Variants in KIAA1328 observed in about 807,000 individuals in gnomAD.
The protein encoded by KIAA1328 is protein hinderin.
KIAA1328 carries 52 observed loss-of-function variants against 68.1 expected under a neutral mutation model. The ratio of observed to expected loss-of-function variants is 0.76; its 90% CI spans 0.61 to 0.96. The LOEUF is 0.96. Ranked by LOEUF, KIAA1328 falls within the 40% of genes least tolerant of loss-of-function variation. The probability of loss-of-function intolerance (pLI) is 0.00; values close to 1 mark genes in which losing one functional copy is unlikely to be tolerated. For synonymous variants in KIAA1328, 232 were observed against 239.4 expected (o/e 0.97, Z 0.28); for missense variants, 641 against 677.6 (o/e 0.95, Z 0.60).
At chr18:37,133,245 T>C (rs1463334075) in intron 7 of KIAA1328, among the ~76,000 whole-genome samples, 1 of 151,076 alleles carries the variant, frequency 6.6e-6, no homozygotes, top group Non-Finnish European at 1.5e-5. Flanking sequence ...GGCAGGAGAA[T>C]CGCTTGAACC....
intron 5 of KIAA1328, among the ~76,000 whole-genome samples, chr18:36,899,603 C>T (rs2048970664): frequency 2.0e-5 from 3 of 151,940 alleles, no homozygotes; most frequent in African/African-American, 7.2e-5. Flanking sequence ...TACATATACT[C>T]ATGATATGTA....
At chr18:37,199,564 A>G (rs1599574783) in intron 9 of KIAA1328, among the ~76,000 whole-genome samples, 3 of 152,158 alleles carry the variant, frequency 2.0e-5, no homozygotes, top group Admixed American at 2.0e-4. Context: ...CAACATGTGC[A>G]TGTGTTTTTA....
At chr18:36,859,090 A>G (rs1417327592) in intron 4 of KIAA1328, among the ~76,000 whole-genome samples, 1 of 152,138 alleles carries the variant, frequency 6.6e-6, no homozygotes, top group Non-Finnish European at 1.5e-5. Flanking sequence ...TTGCATAAGC[A>G]ATTGAATCTT....
At chr18:37,050,574 C>T (rs1483358386) in intron 6 of KIAA1328, among the ~76,000 whole-genome samples, 1 of 152,064 alleles carries the variant, frequency 6.6e-6, no homozygotes, top group East Asian at 1.9e-4. Context: ...TGAATCAGTA[C>T]CATTGTTACA....
At chr18:36,991,368 C>G (rs1017401718) in intron 6 of KIAA1328, among the ~76,000 whole-genome samples, 2 of 152,060 alleles carry the variant, frequency 1.3e-5, no homozygotes, top group African/African-American at 4.8e-5. Flanking sequence ...CTTTATTAAT[C>G]TTTCCATGTG....
At chr18:36,984,041 G>A (rs1470711917) in intron 6 of KIAA1328, among the ~76,000 whole-genome samples, 1 of 152,088 alleles carries the variant, frequency 6.6e-6, no homozygotes, top group African/African-American at 2.4e-5. Context: ...TTTTTTAGAT[G>A]AAGTCTAACA....
At chr18:36,890,153 G>A (rs1419661871) in intron 5 of KIAA1328, among the ~76,000 whole-genome samples, 1 of 151,736 alleles carries the variant, frequency 6.6e-6, no homozygotes, top group Non-Finnish European at 1.5e-5. Flanking sequence ...CCCATTACAT[G>A]GGTGGTCATT....
At chr18:36,983,644 CAAAG>C (rs781487859) in intron 6 of KIAA1328, among the ~76,000 whole-genome samples, 1 of 151,928 alleles carries the variant, frequency 6.6e-6, no homozygotes, top group African/African-American at 2.4e-5. Flanking sequence ...AGCTTTCTCA[CAAAG>C]AAAACTCAAA....
chr18:37,065,389 CTAGAGTAAA>C (rs977853220), intron 6 of KIAA1328, among the ~76,000 whole-genome samples: 13 of 152,170 alleles, frequency 8.5e-5, no homozygotes, highest in African/African-American at 3.1e-4. Flanking sequence ...ATCTGTATAT[CTAGAGTAAA>C]TAGGCCTTGG....
intron 6 of KIAA1328, among the ~76,000 whole-genome samples, chr18:36,974,653 T>A (rs1338679300): frequency 6.6e-6 from 1 of 152,194 alleles, no homozygotes; most frequent in Non-Finnish European, 1.5e-5. Context: ...TTCCTTTGGG[T>A]AGATACACAG....
intron 9 of KIAA1328, among the ~76,000 whole-genome samples, chr18:37,190,927 A>G (rs937611613): frequency 6.6e-6 from 1 of 152,186 alleles, no homozygotes; most frequent in African/African-American, 2.4e-5. Flanking sequence ...AAATTCTTTC[A>G]AAGTGGGATA....
chr18:37,045,360 T>C (rs1568332194), intron 6 of KIAA1328, among the ~76,000 whole-genome samples: 1 of 152,224 alleles, frequency 6.6e-6, no homozygotes, highest in Non-Finnish European at 1.5e-5. Flanking sequence ...TTCTACAAGA[T>C]TAATGATTTA....
downstream of KIAA1328, among the ~76,000 whole-genome samples, chr18:37,225,714 C>T (rs1214084463): frequency 6.6e-6 from 1 of 152,172 alleles, no homozygotes; most frequent in African/African-American, 2.4e-5. Context: ...CCTTTAGTTG[C>T]TGGAAGAATG....
At position 37,098,351 on chromosome 18, in the gene KIAA1328, G is replaced by A. The variant is rs144454431; in HGVS notation, c.1232+30806G>A. On this transcript the variant is annotated intron_variant, in intron 7 of 9. Transcript: ENST00000280020. ...GATAATCATGTGTTTTTTGTCTTTGGTTCTGTTTATATGCTGGATTACATT... is the reference window on the plus strand; with the variant it reads ...GATAATCATGTGTTTTTTGTCTTTGATTCTGTTTATATGCTGGATTACATT... 6.8e-3 allele frequency among the ~76,000 whole-genome samples: 1,030 copies of A among 152,212 alleles called. 14 individuals are homozygous for A. The highest frequency in any genetic ancestry group is 0.023 in the African/African-American group (955 of 41,530).
chr18:37,072,333 G>A (rs2056565058), intron 7 of KIAA1328, among the ~76,000 whole-genome samples: 1 of 151,256 alleles, frequency 6.6e-6, no homozygotes, highest in Admixed American at 6.6e-5. Context: ...GACAAATGTG[G>A]CATTTTCTTC....
intron 6 of KIAA1328, among the ~76,000 whole-genome samples, chr18:37,038,783 C>A (rs566057574): frequency 6.6e-6 from 1 of 151,890 alleles, no homozygotes; most frequent in South Asian, 2.1e-4. Context: ...TGTTTCTGAT[C>A]TTGGAGGAAA....
At chr18:37,167,303 G>A (rs2059409063) in intron 8 of KIAA1328, among the ~76,000 whole-genome samples, 1 of 152,158 alleles carries the variant, frequency 6.6e-6, no homozygotes, top group African/African-American at 2.4e-5. Flanking sequence ...AGCTCAATTA[G>A]ACCCTCTACC....
At chr18:37,053,748 G>T (rs2055796567) in intron 6 of KIAA1328, among the ~76,000 whole-genome samples, 1 of 152,058 alleles carries the variant, frequency 6.6e-6, no homozygotes, top group African/African-American at 2.4e-5. Context: ...ACTATCACGA[G>T]AACAGCATGG....
chr18:37,005,245 T>G (rs1255586617), intron 6 of KIAA1328, among the ~76,000 whole-genome samples: 1 of 151,886 alleles, frequency 6.6e-6, no homozygotes, highest in Admixed American at 6.6e-5. Context: ...AAACAAAAAA[T>G]TTTGAAGATG....
Sources: gnomAD v4.1 joint callset for allele counts (sites outside exome capture counted in the v4.1 genomes callset) on GRCh38, gnomAD v4.1.1 for gene constraint, MANE v1.5 for transcripts, NCBI Gene and HGNC (gene_info 2026-07-23, HGNC 2026-07-21) for gene names.